FBN1: variants seen among roughly 807,000 people sequenced by gnomAD.
The protein encoded by FBN1 is fibrillin-1.
Under a neutral mutation model 365.1 loss-of-function variants are expected in FBN1, and 29 were observed. The observed-to-expected ratio is 0.08, with a 90% CI of 0.06 to 0.11. The LOEUF (loss-of-function observed/expected upper bound fraction) is 0.11. Ranked by LOEUF, FBN1 falls within the 10% of genes least tolerant of loss-of-function variation. The pLI is 1.00. For synonymous variants in FBN1, 1,210 were observed against 1,270.5 expected, an observed-to-expected ratio of 0.95 and a Z score of 1.01; for missense variants, 2,476 against 3,703.2, an observed-to-expected ratio of 0.67 and a Z score of 8.60.
intron 15 of FBN1, among the ~76,000 whole-genome samples, chr15:48,506,313 C>T (rs1017402409): frequency 6.6e-6 from 1 of 152,202 alleles, no homozygotes; most frequent in African/African-American, 2.4e-5. Context: ...TATTAACTTT[C>T]TCCTGACCTT....
chr15:48,638,725 A>C (rs1479147525), intron 2 of FBN1, among the ~76,000 whole-genome samples: 1 of 152,016 alleles, frequency 6.6e-6, no homozygotes, highest in Non-Finnish European at 1.5e-5. Context: ...TAAATAACTC[A>C]TATGACTGGT....
intron 6 of FBN1, among the ~76,000 whole-genome samples, chr15:48,551,335 T>C (rs952811135): frequency 1.2e-4 from 18 of 152,264 alleles, no homozygotes; most frequent in African/African-American, 4.3e-4. Flanking sequence ...TGACCCACAA[T>C]CTGCAAGACA....
At chr15:48,533,232 G>T (rs541710064) in intron 8 of FBN1, among the ~76,000 whole-genome samples, 1 of 152,188 alleles carries the variant, frequency 6.6e-6, no homozygotes, top group Non-Finnish European at 1.5e-5. Flanking sequence ...GGTGGGGTGA[G>T]TTGAGGATGA....
intron 40 of FBN1, 27 bp from the exon 41 acceptor site, chr15:48,464,048 T>G (rs1362688611): frequency 2.5e-6 from 4 of 1,612,494 alleles, no homozygotes; most frequent in Non-Finnish European, 3.4e-6. Context: ...AAGTGGTATG[T>G]GAATATGAAA....
chr15:48,498,634 C>T (rs1477673731), intron 18 of FBN1, among the ~76,000 whole-genome samples: 1 of 152,116 alleles, frequency 6.6e-6, no homozygotes, highest in East Asian at 1.9e-4. Context: ...CCCATCATCC[C>T]GAGTGGTACT....
intron 11 of FBN1, 44 bp downstream of exon 11, chr15:48,516,139 T>C (rs760370782): frequency 6.5e-7 from 1 of 1,543,864 alleles, no homozygotes; most frequent in Non-Finnish European, 8.9e-7. Context: ...AATGTTAACT[T>C]GAACAATGCA....
In FBN1 at chr15:48,526,067, G is replaced by C. The variant is rs1177032308; in HGVS notation, c.988+63C>G. The C allele has an allele frequency of 4.2e-5, 67 of 1,601,392 alleles. No individual in the cohort carries two copies. The Admixed American group carries it at 1.1e-3, about 26-fold the overall frequency. The stretch of plus-strand genomic sequence containing the variant: ...ATGTGCTCCTTAACAAGCTTGTTTA[G>C]AAAGTTGTTTGTTATGGAACTGACT... On this transcript the variant is annotated intron_variant, in intron 9 of 65. Transcript: ENST00000316623.
chr15:48,535,956 T>G (rs2044009072), intron 7 of FBN1, among the ~76,000 whole-genome samples: 1 of 152,054 alleles, frequency 6.6e-6, no homozygotes, highest in South Asian at 2.1e-4. Flanking sequence ...CAACAGAAAA[T>G]ATAGACAAGG....
chr15:48,514,370 C>G (rs1394668737), intron 12 of FBN1, among the ~76,000 whole-genome samples: 1 of 152,206 alleles, frequency 6.6e-6, no homozygotes, highest in Admixed American at 6.5e-5. Context: ...GTTCCCACTT[C>G]TACTCAGCTC....
chr15:48,622,887 C>T lies in FBN1; in HGVS notation c.165-9795G>A, dbSNP rs141021097. Among the ~76,000 whole-genome samples, 268 of 152,324 alleles carry T rather than the reference C, an allele frequency of 1.8e-3. 7 individuals carry two copies. In the East Asian group the frequency reaches 0.042, roughly 24 times the overall value. Reference sequence around the variant, plus strand: ...TATCAGCTCTTCCATCTTTCCATTTCAATATGTAGTTCCATCTCCCTTAGT... The same window carrying T: ...TATCAGCTCTTCCATCTTTCCATTTTAATATGTAGTTCCATCTCCCTTAGT... On this transcript the variant is annotated intron_variant, in intron 2 of 65. Coordinates refer to ENST00000316623, the MANE Select transcript of FBN1 (RefSeq NM_000138.5).
At chr15:48,437,136 T>C (rs2043079671) in intron 52 of FBN1, 59 bp from the exon 53 acceptor site, 6 of 1,272,354 alleles carry the variant, frequency 4.7e-6, no homozygotes, top group African/African-American at 2.9e-5. Context: ...TGAAGATAAA[T>C]TATGATCATT....
intron 8 of FBN1, among the ~76,000 whole-genome samples, chr15:48,528,807 TG>T: frequency 6.6e-6 from 1 of 152,314 alleles, no homozygotes; most frequent in African/African-American, 2.4e-5. Context: ...CACACCCTTT[TG>T]CCTTCAGGTG....
At chr15:48,606,934 G>T (rs555902869) in intron 4 of FBN1, among the ~76,000 whole-genome samples, 1 of 152,280 alleles carries the variant, frequency 6.6e-6, no homozygotes, top group East Asian at 1.9e-4. Flanking sequence ...GTCATCTCGG[G>T]AGTTCAGCCC....
chr15:48,431,004 T>A (rs1472102437), intron 55 of FBN1, among the ~76,000 whole-genome samples: 1 of 152,146 alleles, frequency 6.6e-6, no homozygotes, highest in East Asian at 1.9e-4. Context: ...CTTGAAGAAA[T>A]TGCTCCCTAA....
intron 19 of FBN1, 23 bp downstream of exon 19, chr15:48,497,243 A>C: frequency 6.2e-7 from 1 of 1,613,982 alleles, no homozygotes; most frequent in South Asian, 1.1e-5. Context: ...GCAATGTTTC[A>C]GAAAATGGGT....
Position 48,465,559 on chromosome 15 carries a change from AC to A in FBN1, c.4942+8del. 1.9e-6 allele frequency: 3 copies of A among 1,613,880 alleles called. No individual in the cohort carries two copies. Among genetic ancestry groups the A allele is most frequent in the Non-Finnish European group, 2.5e-6 (3 of 1,179,940 alleles). On this transcript the variant is annotated splice_region_variant and intron_variant, in intron 40 of 65. Coordinates refer to ENST00000316623, the MANE Select transcript of FBN1 (RefSeq NM_000138.5). ...TGCAAGACCTTATCATCCTACCAGG[AC>A]CATTTACCATCACACACTCGTGTAT...
At chr15:48,583,264 C>A (rs2044409822) in intron 6 of FBN1, among the ~76,000 whole-genome samples, 1 of 152,212 alleles carries the variant, frequency 6.6e-6, no homozygotes, top group Non-Finnish European at 1.5e-5. Context: ...TAACATCACA[C>A]CTTTTTATGG....
chr15:48,428,604 C>T, intron 56 of FBN1, 133 bp from the exon 57 acceptor site: 1 of 906,854 alleles, frequency 1.1e-6, no homozygotes, highest in South Asian at 1.4e-5. Flanking sequence ...CCTTTCCTTC[C>T]TCCCTTCCCT....
At chr15:48,491,870 A>G (rs1238532327) in intron 24 of FBN1, among the ~76,000 whole-genome samples, 1 of 152,208 alleles carries the variant, frequency 6.6e-6, no homozygotes, top group African/African-American at 2.4e-5. Context: ...ACTTGCCACT[A>G]TCACGAGCCC....
Sources: allele counts gnomAD v4.1 joint callset (sites outside exome capture counted in the v4.1 genomes callset), GRCh38; gene constraint gnomAD v4.1.1; transcripts MANE v1.5; gene names NCBI Gene and HGNC (gene_info 2026-07-23, HGNC 2026-07-21).